Variants in SAMMSON observed in about 807,000 individuals in gnomAD.
SAMMSON encodes the protein survival associated mitochondrial melanoma specific oncogenic non-coding RNA, also known as long intergenic non-protein coding RNA 1212.
intron 3 of SAMMSON, among the ~76,000 whole-genome samples, chr3:70,071,282 C>T (rs563341563): frequency 4.9e-5 from 7 of 141,736 alleles, no homozygotes; most frequent in African/African-American, 1.2e-4. Flanking sequence ...TTCAGTTATG[C>T]GTAGATGCAC....
intron 4 of SAMMSON, among the ~76,000 whole-genome samples, chr3:70,109,998 A>C (rs1324678938): frequency 6.6e-6 from 1 of 152,218 alleles, no homozygotes; most frequent in Non-Finnish European, 1.5e-5. Context: ...ACAGTTTACA[A>C]AAGAGGTGGG....
intron 4 of SAMMSON, among the ~76,000 whole-genome samples, chr3:70,239,805 A>T (rs1701648739): frequency 6.6e-6 from 1 of 152,106 alleles, no homozygotes; most frequent in Non-Finnish European, 1.5e-5. Flanking sequence ...CGTCTCGTTC[A>T]ACTCAGTGTT....
chr3:70,364,151 A>G (rs1702900750), intron 9 of SAMMSON, among the ~76,000 whole-genome samples: 2 of 151,838 alleles, frequency 1.3e-5, no homozygotes, highest in South Asian at 4.1e-4. Flanking sequence ...TTTCAGTTTT[A>G]TTTCTACAAT....
intron 2 of SAMMSON, among the ~76,000 whole-genome samples, chr3:70,419,803 T>G (rs1018291820): frequency 1.3e-5 from 2 of 152,116 alleles, no homozygotes; most frequent in Non-Finnish European, 2.9e-5. Flanking sequence ...CACACCCGGC[T>G]AATTTTTTAT....
chr3:70,040,964 TG>T (rs1357740227), intron 3 of SAMMSON, among the ~76,000 whole-genome samples: 2 of 152,128 alleles, frequency 1.3e-5, no homozygotes, highest in Non-Finnish European at 2.9e-5. Context: ...GGCTGCTGAA[TG>T]GTAACTGAGG....
chr3:70,388,654 G>A (rs1309660694), intron 9 of SAMMSON, among the ~76,000 whole-genome samples: 13 of 152,148 alleles, frequency 8.5e-5, no homozygotes. Context: ...GGAATTATGG[G>A]AAACAGCCAG....
At chr3:70,128,020 G>C (rs2067466672) in intron 4 of SAMMSON, among the ~76,000 whole-genome samples, 1 of 152,180 alleles carries the variant, frequency 6.6e-6, no homozygotes, top group Non-Finnish European at 1.5e-5. Flanking sequence ...ACGTTCCTGG[G>C]TCAGGCATCA....
At chr3:70,184,870 G>A (rs957836836) in intron 4 of SAMMSON, among the ~76,000 whole-genome samples, 2 of 152,198 alleles carry the variant, frequency 1.3e-5, no homozygotes, top group African/African-American at 4.8e-5. Context: ...AATGGACTGT[G>A]TACTGTTCTT....
intron 6 of SAMMSON, among the ~76,000 whole-genome samples, chr3:70,270,411 CAT>C (rs1701965575): frequency 6.6e-6 from 1 of 152,152 alleles, no homozygotes; most frequent in Admixed American, 6.5e-5. Flanking sequence ...AGACCAAACA[CAT>C]ATAAATACAA....
chr3:70,351,912 T>A (rs1445468913), intron 7 of SAMMSON, among the ~76,000 whole-genome samples: 1 of 151,856 alleles, frequency 6.6e-6, no homozygotes, highest in East Asian at 1.9e-4. Flanking sequence ...TCACCCCAAC[T>A]GAATTGTAGG....
At chr3:70,343,836 T>C (rs1235012563) in intron 7 of SAMMSON, among the ~76,000 whole-genome samples, 1 of 151,432 alleles carries the variant, frequency 6.6e-6, no homozygotes, top group East Asian at 1.9e-4. Context: ...CCTCCATATA[T>C]TTATGTATTC....
intron 4 of SAMMSON, among the ~76,000 whole-genome samples, chr3:70,154,209 T>C (rs1559524562): frequency 6.6e-6 from 1 of 152,004 alleles, no homozygotes; most frequent in Admixed American, 6.6e-5. Flanking sequence ...CTTCAAGTAT[T>C]ATAATAATAG....
intron 4 of SAMMSON, among the ~76,000 whole-genome samples, chr3:70,238,281 G>C (rs566480821): frequency 6.6e-6 from 1 of 151,882 alleles, no homozygotes; most frequent in East Asian, 1.9e-4. Flanking sequence ...TTGGGCTTTG[G>C]GTAGACAGAG....
chr3:70,359,458 A>T (rs550733952), intron 9 of SAMMSON, among the ~76,000 whole-genome samples: 20 of 152,304 alleles, frequency 1.3e-4, no homozygotes, highest in African/African-American at 4.8e-4. Context: ...TTAAACTAAA[A>T]GTTATATCTA....
chr3:70,273,258 G>A (rs1275846200), intron 6 of SAMMSON, among the ~76,000 whole-genome samples: 1 of 152,174 alleles, frequency 6.6e-6, no homozygotes, highest in East Asian at 1.9e-4. Flanking sequence ...TAAGCCCAGT[G>A]AGTTCATTAA....
chr3:70,096,822 CGTT>C (rs2067324619), intron 4 of SAMMSON, among the ~76,000 whole-genome samples: 2 of 152,112 alleles, frequency 1.3e-5, no homozygotes, highest in African/African-American at 4.8e-5. Context: ...TCTAGAATAG[CGTT>C]GATCAAACCC....
intron 3 of SAMMSON, among the ~76,000 whole-genome samples, chr3:70,062,809 G>A (rs1200492196): frequency 1.3e-5 from 2 of 152,084 alleles, no homozygotes; most frequent in Non-Finnish European, 1.5e-5. Flanking sequence ...TCATCTCTGA[G>A]TTTGGTGTAA....
At chr3:70,062,751 C>T (rs528983245) in intron 3 of SAMMSON, among the ~76,000 whole-genome samples, 1 of 152,152 alleles carries the variant, frequency 6.6e-6, no homozygotes, top group South Asian at 2.1e-4. Context: ...CTGGCTGTTT[C>T]GCTCTGCCAT....
At chr3:70,127,610 A>G (rs2067465011) in intron 4 of SAMMSON, 1 of 152,186 alleles carries the variant, frequency 6.6e-6, no homozygotes, top group Non-Finnish European at 1.5e-5. Context: ...AATGACTCCT[A>G]TTTGCCATAA....
Sources: allele counts gnomAD v4.1 joint callset (sites outside exome capture counted in the v4.1 genomes callset), GRCh38; gene constraint gnomAD v4.1.1; transcripts MANE v1.5; gene names NCBI Gene and HGNC (gene_info 2026-07-23, HGNC 2026-07-21).